Variants in GABRA5 observed in about 807,000 individuals in gnomAD.
The protein encoded by GABRA5 is gamma-aminobutyric acid type A receptor subunit alpha5.
GABRA5 carries 18 observed loss-of-function variants against 47.3 expected under a neutral mutation model. The observed-to-expected ratio is 0.38, with a 90% CI of 0.26 to 0.56. The LOEUF (loss-of-function observed/expected upper bound fraction) is 0.56. GABRA5 is among the 20% of genes least tolerant of loss of function. GABRA5 has a pLI of 0.71. For missense variants in GABRA5, 365 were observed against 599.3 expected, an observed-to-expected ratio of 0.61 and a Z score of 4.08; for synonymous variants, 237 against 229.3, an observed-to-expected ratio of 1.03 and a Z score of -0.30.
intron 4 of GABRA5, among the ~76,000 whole-genome samples, chr15:26,882,241 TAGG>T: frequency 6.6e-6 from 1 of 152,128 alleles, no homozygotes; most frequent in Middle Eastern, 3.4e-3. Flanking sequence ...TCCTACAGAG[TAGG>T]AGGATACCAT....
chr15:26,875,949 G>T (rs900143780), intron 3 of GABRA5, among the ~76,000 whole-genome samples: 15 of 152,158 alleles, frequency 9.9e-5, no homozygotes, highest in African/African-American at 3.6e-4. Context: ...GTGAGAGGGG[G>T]TTAACCCGAG....
chr15:26,902,947 T>A (rs1227082867), intron 6 of GABRA5, among the ~76,000 whole-genome samples: 2 of 152,154 alleles, frequency 1.3e-5, no homozygotes, highest in Admixed American at 6.6e-5. Flanking sequence ...TTACATTAAT[T>A]GATTTTTGTT....
intron 6 of GABRA5, among the ~76,000 whole-genome samples, chr15:26,894,461 G>A (rs140148185): frequency 0.014 from 2,119 of 152,208 alleles, 110 homozygotes; most frequent in South Asian, 0.12. Context: ...CTTCCCCCCG[G>A]GCTCTTGCCT....
intron 6 of GABRA5, among the ~76,000 whole-genome samples, chr15:26,889,603 C>A (rs942777754): frequency 1.3e-5 from 2 of 152,090 alleles, no homozygotes; most frequent in Non-Finnish European, 2.9e-5. Flanking sequence ...GAACTAGACA[C>A]TGAGATGTGT....
At chr15:26,881,761 ATGAT>A in intron 4 of GABRA5, among the ~76,000 whole-genome samples, 1 of 152,092 alleles carries the variant, frequency 6.6e-6, no homozygotes, top group East Asian at 1.9e-4. Flanking sequence ...GTGCAATGGC[ATGAT>A]CTCGGCTCAC....
chr15:26,943,520 C>T, intron 10 of GABRA5, 94 bp downstream of exon 10: 4 of 1,147,248 alleles, frequency 3.5e-6, no homozygotes, highest in Non-Finnish European at 5.1e-6. Context: ...CTGCTCCTTC[C>T]TACCCGCCAG....
intron 7 of GABRA5, among the ~76,000 whole-genome samples, chr15:26,921,462 T>C (rs1358457625): frequency 6.6e-6 from 1 of 152,170 alleles, no homozygotes; most frequent in Non-Finnish European, 1.5e-5. Context: ...TGATATCTCT[T>C]ATTTCTGACG....
intron 7 of GABRA5, among the ~76,000 whole-genome samples, chr15:26,936,793 A>G (rs551488492): frequency 1.3e-5 from 2 of 152,252 alleles, no homozygotes; most frequent in African/African-American, 2.4e-5. Context: ...GCCCTCAGAC[A>G]TGGTTGCTGT....
intron 3 of GABRA5, 114 bp downstream of exon 3, chr15:26,869,448 C>T: frequency 2.8e-6 from 2 of 707,710 alleles, no homozygotes; most frequent in South Asian, 3.1e-5. Context: ...CCATTGCAGT[C>T]CCAAGCCCTT....
intron 8 of GABRA5, chr15:26,939,483 G>T: frequency 1.4e-6 from 1 of 733,338 alleles, no homozygotes; most frequent in South Asian, 1.4e-5. Context: ...TGCTGCTGGT[G>T]GGAGTGGTCG....
chr15:26,880,685 G>A (rs925204485), intron 3 of GABRA5, 161 bp from the exon 4 acceptor site: 5 of 605,760 alleles, frequency 8.3e-6, no homozygotes, highest in Non-Finnish European at 1.4e-5. Flanking sequence ...GAACTGAGGT[G>A]TATCAAGGCC....
At chr15:26,945,618 G>C (rs917715412) in intron 10 of GABRA5, among the ~76,000 whole-genome samples, 5 of 152,194 alleles carry the variant, frequency 3.3e-5, no homozygotes, top group Non-Finnish European at 5.9e-5. Flanking sequence ...CACCAGATGT[G>C]TCTGATTTGC....
chr15:26,928,394 G>A (rs141980596), intron 7 of GABRA5, among the ~76,000 whole-genome samples: 4,155 of 152,238 alleles, frequency 0.027, 144 homozygotes, highest in African/African-American at 0.086. Context: ...TTTTAACTGT[G>A]CGGTGTCTGA....
intron 6 of GABRA5, among the ~76,000 whole-genome samples, chr15:26,908,508 T>C (rs548667284): frequency 1.3e-5 from 2 of 152,314 alleles, no homozygotes; most frequent in Non-Finnish European, 2.9e-5. Flanking sequence ...CTCCAAACCC[T>C]GCAGGCTTTC....
chr15:26,904,371 T>C (rs1893393790), intron 6 of GABRA5, among the ~76,000 whole-genome samples: 2 of 152,256 alleles, frequency 1.3e-5, no homozygotes, highest in South Asian at 4.1e-4. Context: ...TGTACATCTG[T>C]AGTATAGTTT....
chr15:26,885,592 C>T (rs1026818876), intron 6 of GABRA5, among the ~76,000 whole-genome samples: 2 of 152,144 alleles, frequency 1.3e-5, no homozygotes, highest in Non-Finnish European at 2.9e-5. Context: ...TGATCTTGAA[C>T]GTGTTTGCCC....
rs150348811 is a variant in GABRA5 at position 26,900,796 on chromosome 15, A to T, written c.498-14007A>T. ...GACAAAATTATAATGACATGTACTC[A>T]CCATTACGATATCACAGGAGTATTT... is the stretch of plus-strand genomic sequence containing the variant. On this transcript the variant is annotated intron_variant, in intron 6 of 10. Transcript: ENST00000335625. Among the ~76,000 whole-genome samples, 37 of 152,224 alleles carry T rather than the reference A, an allele frequency of 2.4e-4. 1 individual carries two copies. The East Asian group carries it at 7.1e-3, about 29-fold the overall frequency.
intron 6 of GABRA5, among the ~76,000 whole-genome samples, chr15:26,911,392 CACACAA>C (rs879444543): frequency 0.018 from 2,641 of 147,710 alleles, 87 homozygotes; most frequent in East Asian, 0.16. Context: ...CACACACACA[CACACAA>C]ACACACACAC....
chr15:26,894,683 G>A (rs770337037), intron 6 of GABRA5, among the ~76,000 whole-genome samples: 1 of 152,114 alleles, frequency 6.6e-6, no homozygotes, highest in Non-Finnish European at 1.5e-5. Flanking sequence ...CTCTAGGAAT[G>A]ATGTTATATG....
Sources: gnomAD v4.1 joint callset for allele counts (sites outside exome capture counted in the v4.1 genomes callset) on GRCh38, gnomAD v4.1.1 for gene constraint, MANE v1.5 for transcripts, NCBI Gene and HGNC (gene_info 2026-07-23, HGNC 2026-07-21) for gene names.